BIVM: variants seen among roughly 807,000 people sequenced by gnomAD.
BIVM encodes the protein basic, immunoglobulin-like variable motif containing.
BIVM carries 31 observed loss-of-function variants against 61.4 expected under a neutral mutation model. The observed-to-expected ratio is 0.51, with a 90% CI of 0.38 to 0.68. BIVM has a LOEUF of 0.68. Ranked by LOEUF, BIVM falls within the 30% of genes least tolerant of loss-of-function variation. BIVM has a pLI of 0.00. For synonymous variants in BIVM, 189 were observed against 210.7 expected (o/e 0.90, Z 0.89); for missense variants, 526 against 596.0 (o/e 0.88, Z 1.22).
intron 3 of BIVM, among the ~76,000 whole-genome samples, chr13:102,810,024 C>T (rs927474798): frequency 1.1e-4 from 16 of 152,160 alleles, no homozygotes; most frequent in Non-Finnish European, 1.9e-4. Context: ...CCGCCCGCCT[C>T]GGCCTCCCAA....
chr13:102,827,010 T>C lies in BIVM; in HGVS notation c.902-4555T>C, dbSNP rs16960583. Among the ~76,000 whole-genome samples the C allele has an allele frequency of 0.029, 4,377 of 152,302 alleles. 405 individuals carry two copies. The East Asian group carries it at 0.3, about 11-fold the overall frequency. On this transcript the variant is annotated intron_variant, in intron 7 of 10. Coordinates refer to ENST00000257336, the MANE Select transcript of BIVM (RefSeq NM_017693.4). Reference sequence around the variant, plus strand: ...ATGGAATAAAACACTAAAAGGGCCATGGAGAGAGTTGACTTAGGAATCACT... The same window carrying C: ...ATGGAATAAAACACTAAAAGGGCCACGGAGAGAGTTGACTTAGGAATCACT...
At chr13:102,811,654 G>C (rs1879504171) in intron 3 of BIVM, among the ~76,000 whole-genome samples, 1 of 152,232 alleles carries the variant, frequency 6.6e-6, no homozygotes, top group Admixed American at 6.5e-5. Flanking sequence ...CTCCCAAGTA[G>C]CTGGGATTAC....
At chr13:102,835,604 G>A (rs1418829703) in intron 9 of BIVM, among the ~76,000 whole-genome samples, 2 of 152,144 alleles carry the variant, frequency 1.3e-5, no homozygotes. Flanking sequence ...TGTGATGTCA[G>A]CTCACTGAAC....
intron 3 of BIVM, among the ~76,000 whole-genome samples, chr13:102,809,777 T>C (rs962554665): frequency 8.5e-6 from 1 of 117,654 alleles, no homozygotes; most frequent in Non-Finnish European, 1.8e-5. Context: ...TCTTTCCTTT[T>C]CTTTTCTTTC....
Position 102,840,683 on chromosome 13 carries a change from CA to C in BIVM, c.*839del, listed in dbSNP as rs59644794. 50,875 of 86,032 alleles carry C rather than the reference CA, an allele frequency of 0.59. 11,980 individuals carry two copies. The highest frequency in any genetic ancestry group is 0.61 in the Middle Eastern group (97 of 158). 5.3% of individuals were successfully genotyped at this position (86,032 alleles called of 1,614,324 possible). A position where few individuals can be genotyped will look rare whatever the true frequency, so the allele number is the denominator to read the frequency against. On this transcript the variant is annotated 3_prime_UTR_variant, in exon 11 of 11. Coordinates refer to ENST00000257336, the MANE Select transcript of BIVM (RefSeq NM_017693.4). ...TGGGCGACAGGGCAAGACTCTGTCT[CA>C]AAAAAAAAAAAAAAAAAAAAGACGG...
intron 10 of BIVM, among the ~76,000 whole-genome samples, chr13:102,839,284 T>A (rs949309328): frequency 2.6e-5 from 4 of 152,168 alleles, no homozygotes; most frequent in African/African-American, 9.7e-5. Context: ...AAAGGAATGA[T>A]CTTGGTGTTT....
At chr13:102,817,200 A>G (rs1261241359) in intron 4 of BIVM, among the ~76,000 whole-genome samples, 3 of 152,214 alleles carry the variant, frequency 2.0e-5, no homozygotes, top group Non-Finnish European at 2.9e-5. Context: ...TGAGAATAAT[A>G]AAGATTGACT....
At chr13:102,801,298 A>G (rs1430709987) in intron 1 of BIVM, among the ~76,000 whole-genome samples, 2 of 149,260 alleles carry the variant, frequency 1.3e-5, no homozygotes, top group Admixed American at 1.3e-4. Flanking sequence ...CCCAGGCTGG[A>G]GTGCAATGGT....
rs1235281354 is a variant in BIVM at position 102,840,726 on chromosome 13, C to T, written c.*861C>T. Reference sequence around the variant, plus strand: ...AAAAGACGGATCCTTTTTTTTGGTGCAAATGGGTGACTTAGTGCATTGATT... The same window carrying T: ...AAAAGACGGATCCTTTTTTTTGGTGTAAATGGGTGACTTAGTGCATTGATT... On this transcript the variant is annotated 3_prime_UTR_variant, in exon 11 of 11. Transcript: ENST00000257336. The T allele has an allele frequency of 6.8e-6, 1 of 146,402 alleles. No individual in the cohort carries two copies. The highest frequency in any genetic ancestry group is 2.5e-5 in the African/African-American group (1 of 39,948). 9.1% of individuals were successfully genotyped at this position (146,402 alleles called of 1,614,324 possible).
At chr13:102,813,709 A>AT (rs1297254974) in intron 3 of BIVM, among the ~76,000 whole-genome samples, 6 of 151,256 alleles carry the variant, frequency 4.0e-5, no homozygotes, top group African/African-American at 7.3e-5. Flanking sequence ...CAAAGTGTTG[A>AT]TTTTTTTTTG....
At chr13:102,827,034 C>G (rs1880719682) in intron 7 of BIVM, among the ~76,000 whole-genome samples, 1 of 152,162 alleles carries the variant, frequency 6.6e-6, no homozygotes, top group Non-Finnish European at 1.5e-5. Context: ...TTAGGAATCA[C>G]TATTCTGGAA....
chr13:102,803,285 C>G (rs890396830), intron 1 of BIVM, among the ~76,000 whole-genome samples: 1 of 152,032 alleles, frequency 6.6e-6, no homozygotes, highest in Admixed American at 6.5e-5. Context: ...AGCAGATCAC[C>G]TGAGGTCAGG....
rs112233527 is a variant in BIVM at position 102,826,514 on chromosome 13, G to A, written c.901+4355G>A. ...TCACTTCCTAACTGATTCATAGGGT[G>A]GCTTTATATCTCTTTTAATGGGGTG... On this transcript the variant is annotated intron_variant, in intron 7 of 10. Transcript: ENST00000257336. Among the ~76,000 whole-genome samples the A allele has an allele frequency of 6.6e-5, 10 of 152,282 alleles. 1 individual carries two copies. The highest frequency in any genetic ancestry group is 2.4e-4 in the African/African-American group (10 of 41,552).
intron 7 of BIVM, among the ~76,000 whole-genome samples, chr13:102,825,180 T>C (rs928780682): frequency 6.6e-5 from 10 of 152,164 alleles, no homozygotes; most frequent in Admixed American, 5.2e-4. Context: ...CTCCTGACCT[T>C]GTGATCCGCC....
intron 7 of BIVM, 50 bp downstream of exon 7, chr13:102,822,209 A>G: frequency 6.6e-7 from 1 of 1,514,704 alleles, no homozygotes. Flanking sequence ...ACATGCACAC[A>G]CACACATACA....
At position 102,816,416 on chromosome 13, in the gene BIVM, C is replaced by T. The variant is rs1246414249; in HGVS notation, c.479-12C>T. On this transcript the variant is annotated splice_polypyrimidine_tract_variant and intron_variant, in intron 3 of 10. Transcript: ENST00000257336. ...TTAAGCATTTTGCTTATTTTATACTCTTGTATTCTAGGCAATGCAAAGAAA... is the reference window on the plus strand; with the variant it reads ...TTAAGCATTTTGCTTATTTTATACTTTTGTATTCTAGGCAATGCAAAGAAA... 6.4e-7 allele frequency: 1 copy of T among 1,557,432 alleles called. No individual in the cohort carries two copies.
At chr13:102,810,656 GTA>G (rs1411772737) in intron 3 of BIVM, among the ~76,000 whole-genome samples, 9 of 152,198 alleles carry the variant, frequency 5.9e-5, no homozygotes, top group African/African-American at 4.8e-5. Flanking sequence ...TAATTTTTAT[GTA>G]TTAATCTCTT....
chr13:102,830,691 T>G (rs1040565002), intron 7 of BIVM, among the ~76,000 whole-genome samples: 1 of 152,194 alleles, frequency 6.6e-6, no homozygotes, highest in Non-Finnish European at 1.5e-5. Flanking sequence ...TAGAAAAATC[T>G]GGGTTCTTAT....
Position 102,815,439 on chromosome 13 carries a change from A to T in BIVM, c.479-989A>T, listed in dbSNP as rs919379933. 2.0e-5 allele frequency among the ~76,000 whole-genome samples: 3 copies of T among 152,288 alleles called. No homozygotes were observed. The East Asian group carries it at 5.8e-4, about 29-fold the overall frequency. ...TTTAATGAAATGAGGCTTGGATGTT[A>T]TTTATTGATATTTTACTTTATATAA... On this transcript the variant is annotated intron_variant, in intron 3 of 10. Coordinates refer to ENST00000257336, the MANE Select transcript of BIVM (RefSeq NM_017693.4).
Sources: gnomAD v4.1 joint callset for allele counts (sites outside exome capture counted in the v4.1 genomes callset) on GRCh38, gnomAD v4.1.1 for gene constraint, MANE v1.5 for transcripts, NCBI Gene and HGNC (gene_info 2026-07-23, HGNC 2026-07-21) for gene names.